Variants in ORC2 observed in about 807,000 individuals in gnomAD.
The protein encoded by ORC2 is origin recognition complex protein 2 homolog.
ORC2 carries 37 observed loss-of-function variants against 77.7 expected under a neutral mutation model. The ratio of observed to expected loss-of-function variants is 0.48; its 90% CI spans 0.37 to 0.63. The LOEUF is 0.63. ORC2 is among the 20% of genes least tolerant of loss of function. The pLI is 0.00. For missense variants in ORC2, 557 were observed against 661.9 expected (o/e 0.84, Z 1.74); for synonymous variants, 201 against 229.5 (o/e 0.88, Z 1.12).
At chr2:200,963,448 G>A in intron 1 of ORC2, 42 bp downstream of exon 1, 1 of 398,654 alleles carries the variant, frequency 2.5e-6, no homozygotes. Context: ...CGCGAGCTAA[G>A]CAGAAAAGGG....
chr2:200,954,208 A>G (rs1399551079), intron 4 of ORC2, among the ~76,000 whole-genome samples: 1 of 151,554 alleles, frequency 6.6e-6, no homozygotes, highest in Non-Finnish European at 1.5e-5. Flanking sequence ...AATTTTTTGT[A>G]TTTTTAGTAG....
chr2:200,957,337 T>G, intron 4 of ORC2, 64 bp downstream of exon 4: 1 of 1,255,160 alleles, frequency 8.0e-7, no homozygotes. Context: ...ACTACTTTTG[T>G]GTATCCTATA....
intron 5 of ORC2, among the ~76,000 whole-genome samples, chr2:200,947,222 T>G (rs1483913199): frequency 3.3e-5 from 5 of 152,128 alleles, no homozygotes; most frequent in Admixed American, 3.3e-4. Context: ...AATTTCTTGA[T>G]GTAGATAATA....
chr2:200,936,886 C>G (rs115568641), intron 8 of ORC2, among the ~76,000 whole-genome samples: 1 of 151,382 alleles, frequency 6.6e-6, no homozygotes, highest in African/African-American at 2.4e-5. Context: ...AGCTAACTTC[C>G]AAAATATGAG....
chr2:200,928,821 A>G (rs1456861845), intron 11 of ORC2, among the ~76,000 whole-genome samples: 2 of 151,914 alleles, frequency 1.3e-5, no homozygotes, highest in Non-Finnish European at 1.5e-5. Context: ...CTCAAAAAAA[A>G]AAACAACAAA....
At chr2:200,954,590 C>G (rs189936154) in intron 4 of ORC2, among the ~76,000 whole-genome samples, 13 of 152,252 alleles carry the variant, frequency 8.5e-5, no homozygotes, top group Admixed American at 5.9e-4. Flanking sequence ...TTCTCTAAAG[C>G]AGGCATTCTT....
chr2:200,921,218 G>T, intron 13 of ORC2, 79 bp from the exon 14 acceptor site: 1 of 903,046 alleles, frequency 1.1e-6, no homozygotes, highest in Non-Finnish European at 1.6e-6. Flanking sequence ...AGAGTGCAGT[G>T]GTACAATCAT....
chr2:200,920,896 C>T (rs1040133735), intron 14 of ORC2, 97 bp downstream of exon 14: 10 of 758,210 alleles, frequency 1.3e-5, no homozygotes, highest in South Asian at 4.9e-5. Flanking sequence ...GGGGAAAAAG[C>T]GTACTAAAAA....
rs2041029069 is a variant in ORC2, at chr2:200,935,706, T to A, written c.701A>T (p.Asp234Val). 6 of 1,601,206 alleles carry A rather than the reference T, an allele frequency of 3.7e-6. No homozygotes were observed. The highest frequency in any genetic ancestry group is 5.1e-6 in the Non-Finnish European group (6 of 1,175,582). ...GTCTCTCTCTTCACTTACTGTTTTA[T>A]CTCTTTTCATTCTCTTAGAAGGTGT... is the stretch of plus-strand genomic sequence containing the variant. The part of the protein sequence containing the change: ...KETPSKRMKR[D>V]KTSDLVEEYF... The change falls in exon 9 of 18, where the codon GAT becomes GTT. Residue 234 changes from aspartate (D) to valine (V), a missense_variant. By Grantham distance (152) the Asp-to-Val change is radical. Coordinates refer to ENST00000234296, the MANE Select transcript of ORC2 (RefSeq NM_006190.5).
intron 11 of ORC2, among the ~76,000 whole-genome samples, chr2:200,927,800 C>T (rs1255535797): frequency 8.6e-5 from 13 of 151,234 alleles, no homozygotes; most frequent in African/African-American, 3.1e-4. Flanking sequence ...CGGGTTCAAG[C>T]GATTCTCCTG....
intron 15 of ORC2, among the ~76,000 whole-genome samples, chr2:200,914,917 G>A (rs1026524941): frequency 1.3e-5 from 2 of 151,500 alleles, no homozygotes; most frequent in Admixed American, 6.6e-5. Context: ...GCAATGAGGC[G>A]GGTGGAAATA....
intron 16 of ORC2, 95 bp downstream of exon 16, chr2:200,913,836 G>C: frequency 6.1e-6 from 9 of 1,466,596 alleles, no homozygotes; most frequent in Non-Finnish European, 6.3e-6. Flanking sequence ...ACTCACTGCT[G>C]TGAAAAACTG....
At position 200,931,331 on chromosome 2, in the gene ORC2, ATACT is replaced by A. The variant is rs1295201521; in HGVS notation, c.917+4_917+7del. 12 of 1,105,322 alleles carry A rather than the reference ATACT, an allele frequency of 1.1e-5. No individual in the cohort carries two copies. Among genetic ancestry groups the A allele is most frequent in the East Asian group, 2.8e-5 (1 of 35,866 alleles). The allele number at this position is 1,105,322 out of a possible 1,614,324, so 68.5% of individuals were successfully genotyped here. ...TATTTTACAAGGGTTTGTAATGATA[ATACT>A]TACTGTAATTGCAGCATCCATTTAT... On this transcript the variant is annotated splice_donor_5th_base_variant and intron_variant, in intron 11 of 17. Coordinates refer to ENST00000234296, the MANE Select transcript of ORC2 (RefSeq NM_006190.5).
At chr2:200,960,743 T>C (rs576028296) in intron 1 of ORC2, among the ~76,000 whole-genome samples, 4 of 152,172 alleles carry the variant, frequency 2.6e-5, no homozygotes, top group Non-Finnish European at 5.9e-5. Flanking sequence ...ATTATAAATC[T>C]ATTAGGGTTG....
At chr2:200,943,800 G>GT (rs57805402) in intron 5 of ORC2, among the ~76,000 whole-genome samples, 1,444 of 140,142 alleles carry the variant, frequency 0.01, 2 homozygotes, top group Non-Finnish European at 0.012. Flanking sequence ...GATTCACTAA[G>GT]TTTTTTTTTT....
intron 6 of ORC2, among the ~76,000 whole-genome samples, chr2:200,942,070 C>CACGAGAGGCTGAG (rs2041163999): frequency 6.6e-6 from 1 of 151,454 alleles, no homozygotes; most frequent in Non-Finnish European, 1.5e-5. Context: ...GGCCCTGTTA[C>CACGAGAGGCTGAG]ACGAGAGGCT....
In ORC2 at chr2:200,920,278, T is replaced by A; in HGVS notation, c.1410A>T (p.Gly470=). 3 of 1,613,920 alleles carry A rather than the reference T, an allele frequency of 1.9e-6. No individual in the cohort carries two copies. Among genetic ancestry groups the A allele is most frequent in the Non-Finnish European group, 2.5e-6 (3 of 1,179,890 alleles). Residue 470 remains glycine (G), a synonymous_variant, in exon 15 of 18, where the codon GGA becomes GGT. Coordinates refer to ENST00000234296, the MANE Select transcript of ORC2 (RefSeq NM_006190.5). ...YENSLLVKQS[G]SLPLSSLTHV... ...GAGTAAGGGAGCTAAGTGGCAGGGATCCAGACTGCTTTACCAGAAGAGAGT... is the reference window on the plus strand; with the variant it reads ...GAGTAAGGGAGCTAAGTGGCAGGGAACCAGACTGCTTTACCAGAAGAGAGT...
Position 200,946,921 on chromosome 2 carries a change from C to T in ORC2, c.328+2633G>A, listed in dbSNP as rs546382147. ...TTAAAAACTTAATTTCTTGTTTTTT[C>T]AGATGGAGTCTCTTTCTGTCACCCA... On this transcript the variant is annotated intron_variant, in intron 5 of 17. Transcript: ENST00000234296. Among the ~76,000 whole-genome samples the T allele has an allele frequency of 2.4e-3, 367 of 152,072 alleles. 3 individuals are homozygous for T. Among genetic ancestry groups the T allele is most frequent in the African/African-American group, 8.5e-3 (354 of 41,506 alleles).
Position 200,917,735 on chromosome 2 carries a change from GGTTGGTGGAA to G in ORC2, c.1466+2477_1466+2486del, listed in dbSNP as rs530278902. Among the ~76,000 whole-genome samples, 495 of 152,178 alleles carry G rather than the reference GGTTGGTGGAA, an allele frequency of 3.3e-3. 4 individuals are homozygous for G. The highest frequency in any genetic ancestry group is 0.011 in the African/African-American group (471 of 41,518). ...TACTGTGTTTATATGAGATGGTGGT[GGTTGGTGGAA>G]GTTGGTGCTTTGGGAGGAGGGTACA... On this transcript the variant is annotated intron_variant, in intron 15 of 17. Transcript: ENST00000234296.
Sources: gnomAD v4.1 joint callset for allele counts (sites outside exome capture counted in the v4.1 genomes callset) on GRCh38, gnomAD v4.1.1 for gene constraint, MANE v1.5 for transcripts, NCBI Gene and HGNC (gene_info 2026-07-23, HGNC 2026-07-21) for gene names.